COLEC10: variants seen among roughly 807,000 people sequenced by gnomAD.
COLEC10 encodes collectin-10.
Under a neutral mutation model 28.4 loss-of-function variants are expected in COLEC10, and 22 were observed. That is an observed-to-expected ratio of 0.78 (90% CI 0.55 to 1.11). The LOEUF (loss-of-function observed/expected upper bound fraction) is 1.11. Among genes scored for constraint, COLEC10 ranks in the 50% least tolerant of loss-of-function variants. COLEC10 has a pLI of 0.00. For missense variants in COLEC10, 361 were observed against 344.1 expected (o/e 1.05, Z -0.39); for synonymous variants, 125 against 116.1 (o/e 1.08, Z -0.49).
At chr8:119,064,792 G>C (rs574199846), upstream of COLEC10, among the ~76,000 whole-genome samples, 775 of 151,544 alleles carry the variant, frequency 5.1e-3, 8 homozygotes, top group Middle Eastern at 0.041. Flanking sequence ...GAAATAATTT[G>C]TATTTGATTT....
chr8:119,097,610 A>C (rs1815746466), intron 3 of COLEC10, among the ~76,000 whole-genome samples: 1 of 152,070 alleles, frequency 6.6e-6, no homozygotes, highest in Non-Finnish European at 1.5e-5. Context: ...TTTTTTAAAG[A>C]AGTCCCTTCA....
intron 2 of COLEC10, among the ~76,000 whole-genome samples, chr8:119,033,258 A>T (rs1026591629): frequency 2.0e-5 from 3 of 150,392 alleles, no homozygotes; most frequent in African/African-American, 7.3e-5. Context: ...TCTTCAGATA[A>T]TTTTTTTTTT....
intron 1 of COLEC10, among the ~76,000 whole-genome samples, chr8:119,008,953 G>A (rs1269158039): frequency 6.6e-6 from 1 of 150,788 alleles, no homozygotes; most frequent in African/African-American, 2.5e-5. Context: ...TTTTTTTCCT[G>A]AGCATTATTA....
Position 119,008,513 on chromosome 8 carries a change from C to T in COLEC10, n.123-928C>T, listed in dbSNP as rs182127470. On this transcript the variant is annotated intron_variant and non_coding_transcript_variant, in intron 1 of 6. Coordinates refer to the COLEC10 transcript ENST00000521788. ...TTTTGCCATCGGGATTTGGCTTGTG[C>T]TTAAGGTTTGGATCCCCGACAACTC... 1.0e-3 allele frequency among the ~76,000 whole-genome samples: 151 copies of T among 148,590 alleles called. 1 individual carries two copies. Among genetic ancestry groups the T allele is most frequent in the Non-Finnish European group, 3.0e-4 (20 of 67,642 alleles).
the COLEC10 span, chr8:118,982,565 G>C: frequency 5.3e-6 from 1 of 187,926 alleles, no homozygotes; most frequent in Admixed American, 5.0e-5. Context: ...GAACATACAA[G>C]AATCAATCTT....
At chr8:119,001,249 A>G (rs1039078788) in intron 1 of COLEC10, among the ~76,000 whole-genome samples, 1 of 152,094 alleles carries the variant, frequency 6.6e-6, no homozygotes, top group African/African-American at 2.4e-5. Context: ...GAAAATATCA[A>G]CTCTGAAGAT....
chr8:119,103,936 T>TACATAA, intron 5 of COLEC10, 41 bp downstream of exon 5: 1 of 1,275,050 alleles, frequency 7.8e-7, no homozygotes, highest in Non-Finnish European at 1.1e-6. Context: ...TATTGATAGA[T>TACATAA]CTCCATCAAC....
At chr8:119,051,733 A>T (rs975319948) in intron 2 of COLEC10, among the ~76,000 whole-genome samples, 1 of 152,202 alleles carries the variant, frequency 6.6e-6, no homozygotes, top group African/African-American at 2.4e-5. Flanking sequence ...ATGACATTTA[A>T]ATTTTCAGTT....
At chr8:119,075,481 G>A (rs1815208591) in intron 1 of COLEC10, among the ~76,000 whole-genome samples, 1 of 152,094 alleles carries the variant, frequency 6.6e-6, no homozygotes, top group African/African-American at 2.4e-5. Context: ...ACTAATGTGG[G>A]GTTTCTTTTC....
chr8:119,065,872 A>C (rs2130209850), upstream of COLEC10, among the ~76,000 whole-genome samples: 1 of 152,132 alleles, frequency 6.6e-6, no homozygotes, highest in South Asian at 2.1e-4. Flanking sequence ...AAAAAAGAAA[A>C]AAGAAAAGAA....
At chr8:119,040,836 G>A (rs559446650) in intron 2 of COLEC10, among the ~76,000 whole-genome samples, 1 of 152,246 alleles carries the variant, frequency 6.6e-6, no homozygotes, top group South Asian at 2.1e-4. Flanking sequence ...AGCCCCACAG[G>A]GTTAGTGTAG....
At chr8:119,062,797 G>C (rs1444626431), upstream of COLEC10, 1 of 151,954 alleles carries the variant, frequency 6.6e-6, no homozygotes, top group Non-Finnish European at 1.5e-5. Flanking sequence ...TTTAAATGCG[G>C]TTTTAAAATA....
At chr8:118,996,280 TA>T (rs1813587377) in intron 1 of COLEC10, among the ~76,000 whole-genome samples, 1 of 152,180 alleles carries the variant, frequency 6.6e-6, no homozygotes, top group African/African-American at 2.4e-5. Flanking sequence ...ACAACCATGA[TA>T]GAGATTTCTT....
intron 2 of COLEC10, among the ~76,000 whole-genome samples, chr8:119,048,877 T>C (rs1814629023): frequency 6.6e-6 from 1 of 152,136 alleles, no homozygotes; most frequent in Non-Finnish European, 1.5e-5. Flanking sequence ...AATCCTGCCA[T>C]GTTGTCAGCT....
intron 2 of COLEC10, among the ~76,000 whole-genome samples, chr8:119,061,178 T>A (rs1336679182): frequency 6.6e-6 from 1 of 151,304 alleles, no homozygotes; most frequent in South Asian, 2.1e-4. Context: ...AACAAAAGAG[T>A]TGAAAGACAT....
chr8:119,065,582 C>T (rs1814938231), upstream of COLEC10, among the ~76,000 whole-genome samples: 1 of 152,048 alleles, frequency 6.6e-6, no homozygotes, highest in African/African-American at 2.4e-5. Context: ...TGAGGCCAGG[C>T]ATGGTGGCTC....
At chr8:119,074,814 G>C (rs929491008) in intron 1 of COLEC10, among the ~76,000 whole-genome samples, 8 of 152,180 alleles carry the variant, frequency 5.3e-5, no homozygotes, top group Non-Finnish European at 1.2e-4. Context: ...TTAGTAAAAT[G>C]GAAATAACAG....
At chr8:118,999,368 A>G (rs950940115) in intron 1 of COLEC10, among the ~76,000 whole-genome samples, 24 of 152,084 alleles carry the variant, frequency 1.6e-4, no homozygotes, top group African/African-American at 5.6e-4. Flanking sequence ...AGGTGGATGG[A>G]TCACCTGAGG....
the COLEC10 span, among the ~76,000 whole-genome samples, chr8:118,960,322 G>A: frequency 6.6e-6 from 1 of 152,148 alleles, no homozygotes; most frequent in African/African-American, 2.4e-5. Flanking sequence ...TGTTTTACGG[G>A]CAGTAGAGGC....
Sources: gnomAD v4.1 joint callset for allele counts (sites outside exome capture counted in the v4.1 genomes callset) on GRCh38, gnomAD v4.1.1 for gene constraint, MANE v1.5 for transcripts, NCBI Gene and HGNC (gene_info 2026-07-23, HGNC 2026-07-21) for gene names.